The following MTUS2 variants were observed in gnomAD, a reference collection of about 807,000 sequenced individuals.
MTUS2 encodes microtubule-associated tumor suppressor candidate 2.
MTUS2 carries 40 observed loss-of-function variants against 114.1 expected under a neutral mutation model. The ratio of observed to expected loss-of-function variants is 0.35; its 90% CI spans 0.27 to 0.46. MTUS2 has a LOEUF of 0.46. Among genes scored for constraint, MTUS2 ranks in the 20% least tolerant of loss-of-function variants. The pLI, the probability that MTUS2 is intolerant of heterozygous loss-of-function variation, is 1.00. For missense variants in MTUS2, 1,679 were observed against 1,705.4 expected (o/e 0.98, Z 0.27); for synonymous variants, 688 against 672.0 (o/e 1.02, Z -0.37).
intron 2 of MTUS2, among the ~76,000 whole-genome samples, chr13:28,966,674 G>C (rs958574624): frequency 1.1e-4 from 15 of 142,196 alleles, no homozygotes; most frequent in African/African-American, 3.4e-4. Context: ...GCAGTGAGCT[G>C]TGATGGTGTT....
intron 5 of MTUS2, among the ~76,000 whole-genome samples, chr13:29,271,201 T>C (rs1661340245): frequency 6.6e-6 from 1 of 152,192 alleles, no homozygotes; most frequent in Non-Finnish European, 1.5e-5. Context: ...TCTGCCAGCA[T>C]CCACCATTGG....
intron 5 of MTUS2, among the ~76,000 whole-genome samples, chr13:29,126,779 C>T (rs961777880): frequency 4.6e-5 from 7 of 152,150 alleles, no homozygotes; most frequent in African/African-American, 7.2e-5. Context: ...CCTTAGAATG[C>T]CTATGTTGGG....
At chr13:28,867,790 C>A (rs376549078) in intron 2 of MTUS2, among the ~76,000 whole-genome samples, 1 of 152,172 alleles carries the variant, frequency 6.6e-6, no homozygotes, top group African/African-American at 2.4e-5. Context: ...CTACTGTTTG[C>A]CAAGTGGCTG....
At chr13:29,467,473 G>A (rs1281154093) in intron 9 of MTUS2, among the ~76,000 whole-genome samples, 1 of 152,184 alleles carries the variant, frequency 6.6e-6, no homozygotes, top group Non-Finnish European at 1.5e-5. Flanking sequence ...CCCATGTAGT[G>A]TATTATATGA....
At chr13:29,297,876 T>C (rs199652543) in intron 6 of MTUS2, among the ~76,000 whole-genome samples, 1 of 151,354 alleles carries the variant, frequency 6.6e-6, no homozygotes. Flanking sequence ...TGTACACACA[T>C]ACACACACAC....
intron 8 of MTUS2, among the ~76,000 whole-genome samples, chr13:29,411,645 C>T (rs1241970849): frequency 1.3e-5 from 2 of 152,212 alleles, no homozygotes; most frequent in African/African-American, 4.8e-5. Context: ...TTACATTAAA[C>T]TTACTTAACC....
At chr13:29,458,929 C>T (rs144321425) in intron 9 of MTUS2, among the ~76,000 whole-genome samples, 60 of 152,344 alleles carry the variant, frequency 3.9e-4, no homozygotes, top group Non-Finnish European at 6.5e-4. Flanking sequence ...TGCTCCACAA[C>T]GGCATCAGGG....
In MTUS2 at chr13:29,033,956, C is replaced by T; in HGVS notation, c.2277C>T (p.Phe759=). The change falls in exon 4 of 16, where the codon TTC becomes TTT. Residue 759 remains phenylalanine (F), a synonymous_variant. Coordinates refer to ENST00000612955, the MANE Select transcript of MTUS2 (RefSeq NM_001033602.4). The part of the protein sequence containing the change: ...PYAHYEVPPT[F]YRSAMLLKPQ... ...CTCATTATGAAGTCCCTCCAACTTT[C>T]TATCGGTCAGCCATGCTCCTTAAGC... 6.2e-7 allele frequency: 1 copy of T among 1,614,008 alleles called. No individual in the cohort carries two copies. The highest frequency in any genetic ancestry group is 8.5e-7 in the Non-Finnish European group (1 of 1,179,888).
chr13:29,101,015 C>T, intron 5 of MTUS2, 45 bp downstream of exon 5: 1 of 1,484,354 alleles, frequency 6.7e-7, no homozygotes, highest in Non-Finnish European at 9.0e-7. Context: ...TGAATTAAAA[C>T]CGGCGCGCCT....
rs141643629 is a variant in MTUS2 at position 29,010,300 on chromosome 13, A to G, written c.-242-14157A>G. Among the ~76,000 whole-genome samples, 223 of 151,664 alleles carry G rather than the reference A, an allele frequency of 1.5e-3. 2 individuals carry two copies. Among genetic ancestry groups the G allele is most frequent in the African/African-American group, 4.9e-3 (201 of 41,370 alleles). On this transcript the variant is annotated intron_variant, in intron 2 of 15. Coordinates refer to ENST00000612955, the MANE Select transcript of MTUS2 (RefSeq NM_001033602.4). ...AGAATGCTTCCTCTTTCCTAAATAC[A>G]TTATCTTTTTCTACTTTAATACCTC...
chr13:29,114,629 G>A (rs1328562962), intron 5 of MTUS2, among the ~76,000 whole-genome samples: 1 of 152,188 alleles, frequency 6.6e-6, no homozygotes, highest in Non-Finnish European at 1.5e-5. Flanking sequence ...GGCTTGAGGT[G>A]CAGATAGTAA....
intron 11 of MTUS2, among the ~76,000 whole-genome samples, chr13:29,491,176 TG>T (rs1190160201): frequency 7.2e-6 from 1 of 139,410 alleles, no homozygotes; most frequent in African/African-American, 2.7e-5. Context: ...GTGTGGTGTG[TG>T]GTGTGTGTAT....
chr13:29,083,847 A>G lies in MTUS2; in HGVS notation c.2447-16926A>G, dbSNP rs574771247. ...CAAATTCTTAATTATATTTAAATGT[A>G]TTGATCATTAGGCCAGAGTGTCCAT... On this transcript the variant is annotated intron_variant, in intron 4 of 15. Coordinates refer to ENST00000612955, the MANE Select transcript of MTUS2 (RefSeq NM_001033602.4). 2.6e-5 allele frequency among the ~76,000 whole-genome samples: 4 copies of G among 152,302 alleles called. No homozygotes were observed. In the South Asian group the frequency reaches 8.3e-4, roughly 32 times the overall value.
intron 9 of MTUS2, among the ~76,000 whole-genome samples, chr13:29,465,105 A>G (rs1021154006): frequency 2.0e-5 from 3 of 152,182 alleles, no homozygotes; most frequent in Non-Finnish European, 2.9e-5. Context: ...CCCTCTCTAC[A>G]CAGAGGACAC....
intron 10 of MTUS2, chr13:29,483,852 A>G (rs1396324619): frequency 1.3e-5 from 2 of 152,228 alleles, no homozygotes; most frequent in Non-Finnish European, 2.9e-5. Flanking sequence ...AAACAGACTC[A>G]CTGTAAACAC....
intron 5 of MTUS2, among the ~76,000 whole-genome samples, chr13:29,210,059 A>G (rs138611690): frequency 0.02 from 2,978 of 152,266 alleles, 50 homozygotes; most frequent in Middle Eastern, 0.027. Flanking sequence ...AGAATCACCA[A>G]TTATTCTTAG....
chr13:29,442,632 G>GGAGTTGA lies in MTUS2; in HGVS notation c.3184+2583_3184+2584insGAGTTGA, dbSNP rs59017285. On this transcript the variant is annotated intron_variant, in intron 9 of 15. Coordinates refer to ENST00000612955, the MANE Select transcript of MTUS2 (RefSeq NM_001033602.4). ...TCAAAACTCTGAATCCCCCAAACCA[G>GGAGTTGA]CACAGGGAGGCAGCATTGGTGTGTT... 7.2e-5 allele frequency among the ~76,000 whole-genome samples: 11 copies of GGAGTTGA among 152,274 alleles called. No homozygotes were observed. The East Asian group carries it at 1.9e-3, about 27-fold the overall frequency.
At chr13:29,495,504 T>C (rs968636620) in intron 12 of MTUS2, among the ~76,000 whole-genome samples, 13 of 152,096 alleles carry the variant, frequency 8.5e-5, no homozygotes, top group Non-Finnish European at 1.8e-4. Flanking sequence ...TTAGTGTCAC[T>C]GTGTGCACTT....
At chr13:29,352,339 T>G (rs1363361072) in intron 7 of MTUS2, among the ~76,000 whole-genome samples, 2 of 152,218 alleles carry the variant, frequency 1.3e-5, no homozygotes, top group African/African-American at 4.8e-5. Context: ...GCCTTCCTGA[T>G]AGCAGAGACC....
Sources: allele counts gnomAD v4.1 joint callset (sites outside exome capture counted in the v4.1 genomes callset), GRCh38; gene constraint gnomAD v4.1.1; transcripts MANE v1.5; gene names NCBI Gene and HGNC (gene_info 2026-07-23, HGNC 2026-07-21).